MTCH1: variants seen among roughly 807,000 people sequenced by gnomAD.
MTCH1 encodes the protein mitochondrial carrier 1, also known as mitochondrial carrier homolog 1.
Under a neutral mutation model 49.3 loss-of-function variants are expected in MTCH1, and 23 were observed. The observed-to-expected ratio is 0.47, with a 90% CI of 0.34 to 0.66. MTCH1 has a LOEUF of 0.66. Ranked by LOEUF, MTCH1 falls within the 30% of genes least tolerant of loss-of-function variation. The probability of loss-of-function intolerance (pLI) is 0.01; values close to 1 mark genes in which losing one functional copy is unlikely to be tolerated. For missense variants in MTCH1, 397 were observed against 532.1 expected, an observed-to-expected ratio of 0.75 and a Z score of 2.50; for synonymous variants, 229 against 215.2, an observed-to-expected ratio of 1.06 and a Z score of -0.56.
chr6:36,970,278 G>A, intron 10 of MTCH1, 128 bp downstream of exon 10: 1 of 1,458,578 alleles, frequency 6.9e-7, no homozygotes, highest in Non-Finnish European at 9.5e-7. Flanking sequence ...CGGAAGCCAG[G>A]GTGCCTGGCA....
In MTCH1 at chr6:36,968,735, G is replaced by A. The variant is rs756463953; in HGVS notation, c.*168C>T. ...ATCCACTGGGTGCAGCCCCACCCCC[G>A]CTCAACCCCACATCTGGACAGACAC... On this transcript the variant is annotated 3_prime_UTR_variant, in exon 12 of 12. Transcript: ENST00000373627. The A allele has an allele frequency of 2.7e-5, 30 of 1,125,778 alleles. No individual in the cohort carries two copies. The highest frequency in any genetic ancestry group is 1.9e-4 in the East Asian group (7 of 36,460). The allele number at this position is 1,125,778 out of a possible 1,614,324, so 69.7% of individuals were successfully genotyped here.
rs780830612 is a variant in MTCH1, at chr6:36,968,882, G to A, written c.*21C>T. 43 of 1,613,646 alleles carry A rather than the reference G, an allele frequency of 2.7e-5. No individual in the cohort carries two copies. The highest frequency in any genetic ancestry group is 3.3e-4 in the Middle Eastern group (2 of 6,080). On this transcript the variant is annotated 3_prime_UTR_variant, in exon 12 of 12. Transcript: ENST00000373627. ...CACCCACGGTGGCCAGGTTGAGACC[G>A]TGTTTTTTAGATGATTCAGGTTACT...
intron 10 of MTCH1, 84 bp from the exon 11 acceptor site, chr6:36,970,198 A>C: frequency 6.7e-7 from 1 of 1,503,222 alleles, no homozygotes; most frequent in Non-Finnish European, 9.2e-7. Flanking sequence ...GAATGCCTTC[A>C]GGCTACCACC....
intron 2 of MTCH1, among the ~76,000 whole-genome samples, chr6:36,979,123 CT>C (rs1213600430): frequency 6.6e-6 from 1 of 152,168 alleles, no homozygotes; most frequent in Non-Finnish European, 1.5e-5. Context: ...AGAACGCCCC[CT>C]GCACATGCCA....
intron 8 of MTCH1, among the ~76,000 whole-genome samples, chr6:36,971,781 G>C (rs1476409541): frequency 6.6e-6 from 1 of 152,140 alleles, no homozygotes; most frequent in Non-Finnish European, 1.5e-5. Flanking sequence ...AGCCTCCTGG[G>C]AGGGAAAGCC....
Position 36,985,955 on chromosome 6 carries a change from C to A in MTCH1, c.219G>T (p.Gly73=). Residue 73 remains glycine, a synonymous_variant, in exon 1 of 12, where the codon GGG becomes GGT. Coordinates refer to ENST00000373627, the MANE Select transcript of MTCH1 (RefSeq NM_001271641.2). ...RRMDGGSGGL[G]SGDNAPTTEA... is the part of the protein sequence containing the mutation. ...CAGTGGTCGGGGCGTTGTCCCCAGA[C>A]CCCAGGCCCCCTGACCCGCCATCCA... 6.5e-7 allele frequency: 1 copy of A among 1,550,232 alleles called. No individual in the cohort carries two copies. Among genetic ancestry groups the A allele is most frequent in the Non-Finnish European group, 8.7e-7 (1 of 1,147,248 alleles).
At chr6:36,976,258 C>T (rs1030839883) in intron 6 of MTCH1, among the ~76,000 whole-genome samples, 1 of 152,210 alleles carries the variant, frequency 6.6e-6, no homozygotes, top group Non-Finnish European at 1.5e-5. Flanking sequence ...GCCGGGGACT[C>T]ATGCCCTGGC....
At chr6:36,985,064 G>A (rs1764247706) in intron 1 of MTCH1, among the ~76,000 whole-genome samples, 1 of 130,884 alleles carries the variant, frequency 7.6e-6, no homozygotes, top group South Asian at 2.5e-4. Flanking sequence ...CCCAATGCTG[G>A]CCCTATCTGT....
intron 1 of MTCH1, 146 bp downstream of exon 1, chr6:36,985,707 T>TCCCCC: frequency 3.0e-6 from 1 of 330,060 alleles, no homozygotes. Context: ...TTCCCTCCCA[T>TCCCCC]CCCACCCACT....
At chr6:36,975,450 A>G (rs1275284305) in intron 7 of MTCH1, among the ~76,000 whole-genome samples, 1 of 152,242 alleles carries the variant, frequency 6.6e-6, no homozygotes, top group African/African-American at 2.4e-5. Context: ...CTAGACACAC[A>G]GTTCCACTTT....
chr6:36,969,390 C>T (rs1352819511), intron 11 of MTCH1: 14 of 1,074,122 alleles, frequency 1.3e-5, no homozygotes, highest in Non-Finnish European at 1.6e-5. Flanking sequence ...AGTTCTGGCT[C>T]CCTCCGGGCC....
At chr6:36,978,039 C>T (rs1052830898) in intron 4 of MTCH1, 39 bp downstream of exon 4, 2 of 1,544,190 alleles carry the variant, frequency 1.3e-6, no homozygotes, top group African/African-American at 2.7e-5. Context: ...ATCAGGCTCC[C>T]CTCCACGCAC....
intron 2 of MTCH1, among the ~76,000 whole-genome samples, chr6:36,980,299 A>T (rs992549472): frequency 2.0e-5 from 3 of 152,252 alleles, no homozygotes; most frequent in African/African-American, 4.8e-5. Context: ...TGGCTGTGTC[A>T]CATGAATAGA....
intron 1 of MTCH1, 40 bp from the exon 2 acceptor site, chr6:36,981,712 G>A (rs192801436): frequency 9.0e-5 from 142 of 1,569,180 alleles, no homozygotes; most frequent in African/African-American, 5.8e-4. Flanking sequence ...TCAGAGTCTC[G>A]TGGTGATTCA....
intron 1 of MTCH1, among the ~76,000 whole-genome samples, chr6:36,983,308 T>C (rs1167189839): frequency 2.6e-5 from 4 of 152,240 alleles, no homozygotes; most frequent in Non-Finnish European, 5.9e-5. Flanking sequence ...AAGTTTTGTC[T>C]TGATCTGTGT....
intron 2 of MTCH1, 68 bp from the exon 3 acceptor site, chr6:36,978,679 C>T (rs765289478): frequency 1.4e-5 from 19 of 1,381,304 alleles, no homozygotes; most frequent in Non-Finnish European, 1.9e-5. Context: ...GGGTCACACA[C>T]ACCCAGACCA....
At chr6:36,986,451 A>G (rs1038552040), upstream of MTCH1, among the ~76,000 whole-genome samples, 9 of 151,868 alleles carry the variant, frequency 5.9e-5, no homozygotes, top group Non-Finnish European at 1.2e-4. Context: ...GGATGCCCAG[A>G]GCACGCGGGG....
At chr6:36,976,885 A>C (rs935247932) in intron 6 of MTCH1, among the ~76,000 whole-genome samples, 46 of 152,022 alleles carry the variant, frequency 3.0e-4, no homozygotes, top group Admixed American at 2.1e-3. Flanking sequence ...CCAAAAGGAG[A>C]CCCCAGCTCA....
At chr6:36,985,522 G>A (rs1009905884) in intron 1 of MTCH1, among the ~76,000 whole-genome samples, 3 of 151,044 alleles carry the variant, frequency 2.0e-5, no homozygotes, top group African/African-American at 7.3e-5. Context: ...CAAGTCCATC[G>A]TCCCCACTCC....
Sources: allele counts gnomAD v4.1 joint callset (sites outside exome capture counted in the v4.1 genomes callset), GRCh38; gene constraint gnomAD v4.1.1; transcripts MANE v1.5; gene names NCBI Gene and HGNC (gene_info 2026-07-23, HGNC 2026-07-21).